The following CFLAR variants were observed in gnomAD, a reference collection of about 807,000 sequenced individuals.
CFLAR encodes CASP8 and FADD-like apoptosis regulator.
A neutral mutation model predicts 51.1 loss-of-function variants in CFLAR; 14 were observed. That is an observed-to-expected ratio of 0.27 (90% CI 0.18 to 0.43). The LOEUF (loss-of-function observed/expected upper bound fraction) is 0.43. Ranked by LOEUF, CFLAR falls within the 20% of genes least tolerant of loss-of-function variation. The pLI, the probability that CFLAR is intolerant of heterozygous loss-of-function variation, is 1.00. For missense variants in CFLAR, 390 were observed against 566.5 expected (o/e 0.69, Z 3.16); for synonymous variants, 210 against 211.6 (o/e 0.99, Z 0.06).
In CFLAR at chr2:201,169,339, C is replaced by T. The variant is rs1482970421; in HGVS notation, c.*5366C>T. On this transcript the variant is annotated 3_prime_UTR_variant, in exon 10 of 10. Transcript: ENST00000309955. Reference sequence around the variant, plus strand: ...TACAGCCATCTGATCATCGACAAACCTGACAAAAACAAGCAATGGGGAAAA... The same window carrying T: ...TACAGCCATCTGATCATCGACAAACTTGACAAAAACAAGCAATGGGGAAAA... 1 of 152,092 alleles carries T rather than the reference C, an allele frequency of 6.6e-6. No individual in the cohort carries two copies. The highest frequency in any genetic ancestry group is 1.5e-5 in the Non-Finnish European group (1 of 68,018). 9.4% of individuals were successfully genotyped at this position (152,092 alleles called of 1,614,324 possible).
At chr2:201,117,896 C>T (rs1206274567) in intron 1 of CFLAR, among the ~76,000 whole-genome samples, 1 of 151,992 alleles carries the variant, frequency 6.6e-6, no homozygotes, top group African/African-American at 2.4e-5. Flanking sequence ...GCTGAGATTA[C>T]AGGCATGCAC....
chr2:201,134,164 G>T (rs1389530466), intron 3 of CFLAR, among the ~76,000 whole-genome samples: 1 of 151,658 alleles, frequency 6.6e-6, no homozygotes, highest in Non-Finnish European at 1.5e-5. Flanking sequence ...CAAAAAATTA[G>T]CCGGGCGTGG....
At position 201,174,907 on chromosome 2, in the gene CFLAR, C is replaced by T. The variant is rs989913658; in HGVS notation, c.*10934C>T. ...AAAGGCCAACCCAAACCAGCCAAAA[C>T]CATGATGGTGACAGAAGAGACCTCT... On this transcript the variant is annotated 3_prime_UTR_variant, in exon 10 of 10. Transcript: ENST00000309955. 3 of 152,190 alleles carry T rather than the reference C, an allele frequency of 2.0e-5. No individual in the cohort carries two copies. Among genetic ancestry groups the T allele is most frequent in the South Asian group, 2.1e-4 (1 of 4,838 alleles). 9.4% of individuals were successfully genotyped at this position (152,190 alleles called of 1,614,324 possible). A position where few individuals can be genotyped will look rare whatever the true frequency, so the allele number is the denominator to read the frequency against.
chr2:201,148,854 C>T, intron 6 of CFLAR, 149 bp from the exon 7 acceptor site: 1 of 597,806 alleles, frequency 1.7e-6, no homozygotes. Flanking sequence ...GAGGTTGAAA[C>T]CTTGGGGCCA....
chr2:201,140,265 A>T (rs1476155127), intron 4 of CFLAR, 92 bp from the exon 5 acceptor site: 1 of 1,492,530 alleles, frequency 6.7e-7, no homozygotes, highest in Non-Finnish European at 9.1e-7. Flanking sequence ...ATTTTGAAAG[A>T]TGGTGATTGA....
At position 201,165,351 on chromosome 2, in the gene CFLAR, A is replaced by G. The variant is rs985245949; in HGVS notation, c.*1378A>G. On this transcript the variant is annotated 3_prime_UTR_variant, in exon 10 of 10. Transcript: ENST00000309955. ...AGTGGCATCATCTTGGCTCATTGCA[A>G]CCTCTGCCTTCTGGGTTCAAGCGAT... 2.7e-5 allele frequency: 4 copies of G among 149,796 alleles called. No individual in the cohort carries two copies. Among genetic ancestry groups the G allele is most frequent in the Admixed American group, 2.0e-4 (3 of 14,994 alleles). 9.3% of individuals were successfully genotyped at this position (149,796 alleles called of 1,614,324 possible). A position where few individuals can be genotyped will look rare whatever the true frequency, so the allele number is the denominator to read the frequency against.
chr2:201,159,092 G>A (rs1942675737), intron 8 of CFLAR, among the ~76,000 whole-genome samples: 1 of 151,678 alleles, frequency 6.6e-6, no homozygotes, highest in South Asian at 2.1e-4. Flanking sequence ...TGGCCAGACT[G>A]GTCTCGAACT....
chr2:201,129,605 C>T (rs945071406), intron 1 of CFLAR, 124 bp from the exon 2 acceptor site: 10 of 462,164 alleles, frequency 2.2e-5, no homozygotes, highest in Non-Finnish European at 3.4e-5. Context: ...TCTATAGATC[C>T]CTTTCTATAG....
In CFLAR at chr2:201,138,252, T is replaced by C. The variant is rs2050410343; in HGVS notation, c.524-2105T>C. On this transcript the variant is annotated intron_variant, in intron 4 of 9. Transcript: ENST00000309955. This position sits in a 1 kb window ranked among gnomAD's most constrained non-coding sequence, Gnocchi z 4.0. ...TTCCCTTGGGACGAGTCCAAGCCTATGACATTGACGCCTACCTGGGTGAGC... is the reference window on the plus strand; with the variant it reads ...TTCCCTTGGGACGAGTCCAAGCCTACGACATTGACGCCTACCTGGGTGAGC... 7 of 850,590 alleles carry C rather than the reference T, an allele frequency of 8.2e-6. No homozygotes were observed. The highest frequency in any genetic ancestry group is 1.4e-5 in the Non-Finnish European group (7 of 487,900). 52.7% of individuals were successfully genotyped at this position (850,590 alleles called of 1,614,324 possible).
chr2:201,167,106 T>C lies in CFLAR; in HGVS notation c.*3133T>C, dbSNP rs1183634176. ...CTATTTCTTGAGGTTTTAACTGATG[T>C]GTATCTGTATGTCTATTTGTGTATA... On this transcript the variant is annotated 3_prime_UTR_variant, in exon 10 of 10. Coordinates refer to ENST00000309955, the MANE Select transcript of CFLAR (RefSeq NM_003879.7). The C allele has an allele frequency of 1.3e-5, 2 of 152,196 alleles. No individual in the cohort carries two copies. The highest frequency in any genetic ancestry group is 6.5e-5 in the Admixed American group (1 of 15,276). 9.4% of individuals were successfully genotyped at this position (152,196 alleles called of 1,614,324 possible).
intron 9 of CFLAR, among the ~76,000 whole-genome samples, chr2:201,162,125 A>G (rs1175200257): frequency 6.6e-6 from 1 of 151,114 alleles, no homozygotes; most frequent in Non-Finnish European, 1.5e-5. Flanking sequence ...GTTTTTTGAG[A>G]TGACATCTCA....
At chr2:201,139,894 T>G (rs887505558) in intron 4 of CFLAR, 15 of 157,154 alleles carry the variant, frequency 9.5e-5, no homozygotes, top group Non-Finnish European at 2.1e-4. Flanking sequence ...TGCGTCTGTG[T>G]CTTTCTTTTC....
At chr2:201,145,580 C>CT (rs1169862726) in intron 6 of CFLAR, 148 bp downstream of exon 6, 2 of 599,910 alleles carry the variant, frequency 3.3e-6, no homozygotes, top group Non-Finnish European at 6.0e-6. Flanking sequence ...TTACGATAGA[C>CT]TCATTGGCAT....
chr2:201,140,557 A>G, intron 5 of CFLAR, 118 bp downstream of exon 5: 1 of 724,194 alleles, frequency 1.4e-6, no homozygotes. Context: ...TGTGATAGAA[A>G]TGTGTATTTG....
At chr2:201,136,342 T>G in intron 4 of CFLAR, 1 of 1,598,532 alleles carries the variant, frequency 6.3e-7, no homozygotes, top group Non-Finnish European at 8.5e-7. Flanking sequence ...CAAGCAGTTC[T>G]TAACATTTCA....
At position 201,138,376 on chromosome 2, in the gene CFLAR, C is replaced by T. The variant is rs1575702554; in HGVS notation, c.524-1981C>T. 1 of 772,848 alleles carries T rather than the reference C, an allele frequency of 1.3e-6. No homozygotes were observed. The highest frequency in any genetic ancestry group is 2.4e-5 in the East Asian group (1 of 41,014). 47.9% of individuals were successfully genotyped at this position (772,848 alleles called of 1,614,324 possible). A position where few individuals can be genotyped will look rare whatever the true frequency, so the allele number is the denominator to read the frequency against. ...TGGAGGCCACAGGGTAGTCTCGGTTCTTCAGCGCGGTGCAGGTGATAATGG... is the reference window on the plus strand; with the variant it reads ...TGGAGGCCACAGGGTAGTCTCGGTTTTTCAGCGCGGTGCAGGTGATAATGG... On this transcript the variant is annotated intron_variant, in intron 4 of 9. Transcript: ENST00000309955. The surrounding 1 kb of genome is among the most constrained non-coding windows in gnomAD (Gnocchi z 4.0).
At chr2:201,159,119 C>G (rs765471501) in intron 8 of CFLAR, among the ~76,000 whole-genome samples, 96 of 151,898 alleles carry the variant, frequency 6.3e-4, no homozygotes, top group Admixed American at 1.6e-3. Flanking sequence ...CTCAGGTGAT[C>G]TGCCCGTCTC....
At position 201,138,380 on chromosome 2, in the gene CFLAR, A is replaced by C. The variant is rs538799959; in HGVS notation, c.524-1977A>C. On this transcript the variant is annotated intron_variant, in intron 4 of 9. Transcript: ENST00000309955. This position sits in a 1 kb window ranked among gnomAD's most constrained non-coding sequence, Gnocchi z 4.0. ...GGCCACAGGGTAGTCTCGGTTCTTC[A>C]GCGCGGTGCAGGTGATAATGGCCAC... is the stretch of plus-strand genomic sequence containing the variant. 1.3e-6 allele frequency: 1 copy of C among 772,410 alleles called. No individual in the cohort carries two copies. The highest frequency in any genetic ancestry group is 1.4e-5 in the South Asian group (1 of 73,664). The allele number at this position is 772,410 out of a possible 1,614,324, so 47.8% of individuals were successfully genotyped here.
At chr2:201,153,903 CTTTTTT>C (rs747813572) in intron 8 of CFLAR, among the ~76,000 whole-genome samples, 2 of 103,050 alleles carry the variant, frequency 1.9e-5, no homozygotes, top group Non-Finnish European at 3.8e-5. Context: ...TCTTTTCTTT[CTTTTTT>C]TTTTTTTTTT....
Sources: gnomAD v4.1 joint callset for allele counts (sites outside exome capture counted in the v4.1 genomes callset) on GRCh38, gnomAD v4.1.1 for gene constraint, Gnocchi (gnomAD v3.1) non-coding constraint, MANE v1.5 for transcripts, NCBI Gene and HGNC (gene_info 2026-07-23, HGNC 2026-07-21) for gene names.